Variants in LYZL2 observed in about 807,000 individuals in gnomAD.
LYZL2 encodes lysozyme-like protein 2.
A neutral mutation model predicts 17.1 loss-of-function variants in LYZL2; 13 were observed. The ratio of observed to expected loss-of-function variants is 0.76; its 90% CI spans 0.49 to 1.21. The LOEUF (loss-of-function observed/expected upper bound fraction) is 1.21. LYZL2 is among the 50% of genes most tolerant of loss of function. LYZL2 has a pLI of 0.00. For synonymous variants in LYZL2, 63 were observed against 74.4 expected (o/e 0.85, Z 0.79); for missense variants, 166 against 189.2 (o/e 0.88, Z 0.72).
At chr10:30,613,499 G>C (rs201472185) in intron 3 of LYZL2, among the ~76,000 whole-genome samples, 1 of 125,724 alleles carries the variant, frequency 8.0e-6, no homozygotes, top group East Asian at 2.3e-4. Flanking sequence ...TCTGTCTTAA[G>C]AAAAAAAAAA....
chr10:30,610,229 A>C (rs1249665433), downstream of LYZL2, among the ~76,000 whole-genome samples: 1 of 152,234 alleles, frequency 6.6e-6, no homozygotes, highest in Non-Finnish European at 1.5e-5. Flanking sequence ...AGCTTGATTT[A>C]AGTAGAAGCT....
At chr10:30,613,221 G>A (rs536421650) in intron 3 of LYZL2, among the ~76,000 whole-genome samples, 25 of 152,294 alleles carry the variant, frequency 1.6e-4, no homozygotes, top group African/African-American at 5.1e-4. Flanking sequence ...GGCACAGGCC[G>A]GGCGTGGTGG....
intron 3 of LYZL2, among the ~76,000 whole-genome samples, chr10:30,621,150 CT>C (rs1838612409): frequency 6.6e-6 from 1 of 151,972 alleles, no homozygotes; most frequent in African/African-American, 2.4e-5. Flanking sequence ...CATCGAATTG[CT>C]GAAAATGAGT....
downstream of LYZL2, chr10:30,611,728 AAAAGAAAGGAAAGAAAG>A (rs1429386209): frequency 2.8e-5 from 13 of 459,888 alleles, no homozygotes; most frequent in Admixed American, 2.1e-4. Context: ...GAAAGAAAAG[AAAAGAAAGGAAAGAAAG>A]AAAGAAAGGA....
chr10:30,614,082 C>A (rs1359255993), intron 3 of LYZL2, among the ~76,000 whole-genome samples: 1 of 152,222 alleles, frequency 6.6e-6, no homozygotes, highest in Non-Finnish European at 1.5e-5. Flanking sequence ...TATCCACATT[C>A]TTTCCTGCTT....
chr10:30,629,441 T>C (rs1472322590), intron 1 of LYZL2, 152 bp downstream of exon 1: 1 of 610,646 alleles, frequency 1.6e-6, no homozygotes, highest in Admixed American at 3.5e-5. Flanking sequence ...TTGGTTTCCA[T>C]CCTCTGCCTT....
chr10:30,626,303 C>T (rs1192640862), intron 2 of LYZL2, 40 bp from the exon 3 acceptor site: 1 of 1,608,034 alleles, frequency 6.2e-7, no homozygotes, highest in Non-Finnish European at 8.5e-7. Flanking sequence ...AAAGGAGGTG[C>T]CATCTTTTGC....
chr10:30,629,258 G>A (rs1184886705), intron 1 of LYZL2, among the ~76,000 whole-genome samples: 1 of 152,162 alleles, frequency 6.6e-6, no homozygotes. Context: ...GCCAGGCATA[G>A]TGGTGTGTGA....
chr10:30,611,714 GA>G, downstream of LYZL2: 1 of 435,606 alleles, frequency 2.3e-6, no homozygotes, highest in South Asian at 4.1e-5. Flanking sequence ...AAGAAAGAAA[GA>G]AAGAAAGAAA....
At chr10:30,626,423 G>A (rs144612278) in intron 2 of LYZL2, among the ~76,000 whole-genome samples, 160 bp from the exon 3 acceptor site, 8 of 152,318 alleles carry the variant, frequency 5.3e-5, no homozygotes, top group Non-Finnish European at 7.4e-5. Context: ...CACACGAGGG[G>A]CACATCAGGG....
Position 30,626,776 on chromosome 10 carries a change from C to T in LYZL2, c.139+1G>A. On this transcript the variant is annotated splice_donor_variant, in intron 2 of 4. Coordinates refer to ENST00000647634, the MANE Select transcript of LYZL2 (RefSeq NM_183058.3). LOFTEE classifies it high-confidence loss of function. Reference sequence around the variant, plus strand: ...AGAGAGCAGGAAAGAAATAATCTCACAGTTTCCAAGGCTGAAGCCCCAGTA... The same window carrying T: ...AGAGAGCAGGAAAGAAATAATCTCATAGTTTCCAAGGCTGAAGCCCCAGTA... The T allele has an allele frequency of 6.2e-7, 1 of 1,614,182 alleles. No individual in the cohort carries two copies. Among genetic ancestry groups the T allele is most frequent in the South Asian group, 1.1e-5 (1 of 91,080 alleles).
chr10:30,626,705 T>C (rs1457904681), intron 2 of LYZL2, 72 bp downstream of exon 2: 21 of 1,591,214 alleles, frequency 1.3e-5, no homozygotes, highest in Admixed American at 1.7e-5. Context: ...CAGCAGGGAG[T>C]GTAGCCAGGA....
intron 3 of LYZL2, among the ~76,000 whole-genome samples, chr10:30,616,295 C>T (rs1434123279): frequency 1.3e-5 from 2 of 152,176 alleles, no homozygotes; most frequent in East Asian, 1.9e-4. Flanking sequence ...CAAAATACAT[C>T]GTCTATAAGA....
At chr10:30,615,745 A>G (rs1432349739) in intron 3 of LYZL2, among the ~76,000 whole-genome samples, 3 of 152,240 alleles carry the variant, frequency 2.0e-5, no homozygotes, top group Non-Finnish European at 4.4e-5. Context: ...AACATTAAAG[A>G]CAATTAAAAC....
At chr10:30,628,651 A>T (rs1173969368) in intron 1 of LYZL2, among the ~76,000 whole-genome samples, 2 of 152,306 alleles carry the variant, frequency 1.3e-5, no homozygotes, top group South Asian at 2.1e-4. Flanking sequence ...CATTTTCTGC[A>T]CTTGCCTGGA....
chr10:30,609,260 C>A (rs1255062720), downstream of LYZL2, among the ~76,000 whole-genome samples: 1 of 152,152 alleles, frequency 6.6e-6, no homozygotes, highest in Non-Finnish European at 1.5e-5. Flanking sequence ...GATGAGGACA[C>A]CAATTCCCAG....
intron 1 of LYZL2, among the ~76,000 whole-genome samples, chr10:30,627,308 T>G (rs1318608684): frequency 6.6e-6 from 1 of 151,990 alleles, no homozygotes; most frequent in Non-Finnish European, 1.5e-5. Flanking sequence ...CTGCTGACCC[T>G]TGAACATCAT....
At chr10:30,608,618 G>A (rs1449193636), downstream of LYZL2, among the ~76,000 whole-genome samples, 1 of 152,164 alleles carries the variant, frequency 6.6e-6, no homozygotes, top group African/African-American at 2.4e-5. Flanking sequence ...CTGCTGTCGC[G>A]CTGTGGCCCC....
intron 3 of LYZL2, among the ~76,000 whole-genome samples, chr10:30,622,663 T>C (rs1326178469): frequency 2.6e-5 from 4 of 152,240 alleles, no homozygotes; most frequent in Admixed American, 2.6e-4. Flanking sequence ...CCCGTTTCTG[T>C]AAATAAAGTC....
Sources: allele counts gnomAD v4.1 joint callset (sites outside exome capture counted in the v4.1 genomes callset), GRCh38; gene constraint gnomAD v4.1.1; transcripts MANE v1.5; gene names NCBI Gene and HGNC (gene_info 2026-07-23, HGNC 2026-07-21).